BCAS3: variants seen among roughly 807,000 people sequenced by gnomAD.
BCAS3 encodes BCAS3 microtubule associated cell migration factor.
BCAS3 carries 53 observed loss-of-function variants against 116.1 expected under a neutral mutation model. The observed-to-expected ratio is 0.46, with a 90% CI of 0.37 to 0.57. The LOEUF is 0.57. BCAS3 is among the 20% of genes least tolerant of loss of function. The probability of loss-of-function intolerance (pLI) is 0.00; values close to 1 mark genes in which losing one functional copy is unlikely to be tolerated. For synonymous variants in BCAS3, 391 were observed against 408.2 expected (o/e 0.96, Z 0.51); for missense variants, 917 against 1,165.4 (o/e 0.79, Z 3.10).
intron 22 of BCAS3, among the ~76,000 whole-genome samples, chr17:61,280,448 A>T (rs1056858809): frequency 1.3e-5 from 2 of 152,186 alleles, no homozygotes; most frequent in African/African-American, 2.4e-5. Flanking sequence ...TTGGAGGGGA[A>T]TGTGAGGTAG....
chr17:61,334,619 G>A lies in BCAS3; in HGVS notation c.2426-33708G>A, dbSNP rs958253651. Among the ~76,000 whole-genome samples, 7 of 125,740 alleles carry A rather than the reference G, an allele frequency of 5.6e-5. No homozygotes were observed. In the East Asian group the frequency reaches 7.3e-4, roughly 13 times the overall value. The allele number at this position is 125,740 out of a possible 152,430, so 82.5% of individuals were successfully genotyped here. A position where few individuals can be genotyped will look rare whatever the true frequency, so the allele number is the denominator to read the frequency against. ...GTGGAGGTTGCGGTGAGCTGAGATC[G>A]CACCATTGCACTCCAGCCTATGCAA... is the stretch of plus-strand genomic sequence containing the variant. On this transcript the variant is annotated intron_variant, in intron 22 of 23. Coordinates refer to ENST00000407086, the MANE Select transcript of BCAS3 (RefSeq NM_017679.5).
chr17:61,046,002 A>T (rs1457362381), intron 19 of BCAS3, among the ~76,000 whole-genome samples: 1 of 9,744 alleles, frequency 1.0e-4, no homozygotes, highest in Non-Finnish European at 1.5e-4. Flanking sequence ...TATATATATA[A>T]TATATATATT....
intron 6 of BCAS3, among the ~76,000 whole-genome samples, chr17:60,802,537 T>C (rs1240439593): frequency 2.0e-5 from 3 of 152,140 alleles, no homozygotes; most frequent in Non-Finnish European, 4.4e-5. Flanking sequence ...GTGTTCTTCC[T>C]GTGTAGTATT....
At chr17:61,123,847 C>T (rs943960474) in intron 22 of BCAS3, among the ~76,000 whole-genome samples, 1 of 152,114 alleles carries the variant, frequency 6.6e-6, no homozygotes, top group Admixed American at 6.5e-5. Flanking sequence ...ATTTCATTCT[C>T]TGTGACACCC....
intron 7 of BCAS3, among the ~76,000 whole-genome samples, chr17:60,864,834 T>C (rs1408832381): frequency 6.6e-6 from 1 of 152,180 alleles, no homozygotes; most frequent in Non-Finnish European, 1.5e-5. Context: ...TTAGAGGCTA[T>C]TGTAGGATTA....
rs193142757 is a variant in BCAS3 at position 61,043,559 on chromosome 17, T to C, written c.2029+2667T>C. Reference sequence around the variant, plus strand: ...AGTTGTCACGTTCTCCCCATGTCTGTGTGGGTTTTCAGTGGGTACACAGGT... The same window carrying C: ...AGTTGTCACGTTCTCCCCATGTCTGCGTGGGTTTTCAGTGGGTACACAGGT... On this transcript the variant is annotated intron_variant, in intron 19 of 23. Transcript: ENST00000407086. 2.4e-3 allele frequency among the ~76,000 whole-genome samples: 362 copies of C among 152,068 alleles called. 2 individuals are homozygous for C. The highest frequency in any genetic ancestry group is 7.6e-3 in the African/African-American group (315 of 41,534).
intron 22 of BCAS3, among the ~76,000 whole-genome samples, chr17:61,338,888 GAAAAAAAAAAAAAAAA>G (rs57701817): frequency 1.2e-4 from 8 of 67,318 alleles, no homozygotes; most frequent in South Asian, 8.3e-4. Context: ...CCCTTACTGG[GAAAAAAAAAAAAAAAA>G]AAAAAAAAAA....
intron 22 of BCAS3, among the ~76,000 whole-genome samples, chr17:61,267,214 T>C (rs911539500): frequency 2.4e-4 from 35 of 147,334 alleles, no homozygotes; most frequent in Non-Finnish European, 4.4e-4. Flanking sequence ...TCTGCCACCA[T>C]GCCCAGCTAA....
chr17:61,138,587 A>G (rs186635404), intron 22 of BCAS3, among the ~76,000 whole-genome samples: 176 of 152,374 alleles, frequency 1.2e-3, no homozygotes, highest in Non-Finnish European at 2.3e-3. Flanking sequence ...TAATTACAAA[A>G]TAAATTATCC....
At chr17:60,764,216 G>C (rs570767403) in intron 6 of BCAS3, among the ~76,000 whole-genome samples, 24 of 150,650 alleles carry the variant, frequency 1.6e-4, no homozygotes, top group African/African-American at 4.9e-4. Context: ...TCTGATCTTA[G>C]TTATTTCTTG....
chr17:60,708,159 C>T (rs910586156), intron 4 of BCAS3, among the ~76,000 whole-genome samples: 1 of 151,838 alleles, frequency 6.6e-6, no homozygotes, highest in South Asian at 2.1e-4. Flanking sequence ...CCTGTCTCTA[C>T]AAACATTTAC....
Position 61,309,851 on chromosome 17 carries a change from C to T in BCAS3, c.2426-58476C>T, listed in dbSNP as rs2144773598. On this transcript the variant is annotated intron_variant, in intron 22 of 23. Transcript: ENST00000407086. This position sits in a 1 kb window ranked among gnomAD's most constrained non-coding sequence, Gnocchi z 4.6. ...CCTTGTGAGAAGAAGCCCATGAAGT[C>T]AAATGACAGCTTGTTTAAGGAAGCC... 6.6e-6 allele frequency among the ~76,000 whole-genome samples: 1 copy of T among 152,180 alleles called. No homozygotes were observed. The highest frequency in any genetic ancestry group is 1.5e-5 in the Non-Finnish European group (1 of 68,008).
rs538173199 is a variant in BCAS3 at position 61,368,668 on chromosome 17, G to A, written c.2593+174G>A. Among the ~76,000 whole-genome samples, 3 of 152,334 alleles carry A rather than the reference G, an allele frequency of 2.0e-5. No individual in the cohort carries two copies. In the South Asian group the frequency reaches 6.2e-4, roughly 32 times the overall value. ...CTGGTGTTGGGAAACCCTGTGTAAA[G>A]GGGAGCTCCCAGTGGAACTGCCCCT... On this transcript the variant is annotated intron_variant, in intron 23 of 23. Transcript: ENST00000407086. The surrounding 1 kb of genome is among the most constrained non-coding windows in gnomAD (Gnocchi z 6.0).
intron 22 of BCAS3, among the ~76,000 whole-genome samples, chr17:61,274,281 A>ATTTTTTTTTTTTTTTTTT (rs780529516): frequency 1.0e-5 from 1 of 96,240 alleles, no homozygotes; most frequent in Non-Finnish European, 2.0e-5. Flanking sequence ...AAATCTTTGA[A>ATTTTTTTTTTTTTTTTTT]TTTTTTTTTT....
chr17:61,058,755 T>C (rs2069658013), intron 19 of BCAS3, among the ~76,000 whole-genome samples: 1 of 152,182 alleles, frequency 6.6e-6, no homozygotes, highest in African/African-American at 2.4e-5. Flanking sequence ...TACATAACTG[T>C]TTATTATGAT....
At chr17:60,923,385 C>T (rs1381929759) in intron 12 of BCAS3, among the ~76,000 whole-genome samples, 1 of 152,114 alleles carries the variant, frequency 6.6e-6, no homozygotes, top group African/African-American at 2.4e-5. Context: ...TGCTTAAGTA[C>T]ATTGTTTTTT....
chr17:61,121,811 A>T (rs1032848513), intron 22 of BCAS3, among the ~76,000 whole-genome samples: 2 of 152,112 alleles, frequency 1.3e-5, no homozygotes, highest in African/African-American at 4.8e-5. Context: ...GCTCACTGCA[A>T]TTTCCGCCTC....
chr17:60,926,062 CTCCAGTT>C (rs1156267820), intron 13 of BCAS3, among the ~76,000 whole-genome samples: 1 of 152,102 alleles, frequency 6.6e-6, no homozygotes, highest in Admixed American at 6.5e-5. Context: ...GGTGTGGATT[CTCCAGTT>C]GTGGCATCAT....
At chr17:60,795,418 C>T (rs1362610637) in intron 6 of BCAS3, among the ~76,000 whole-genome samples, 3 of 151,986 alleles carry the variant, frequency 2.0e-5, no homozygotes, top group African/African-American at 7.2e-5. Flanking sequence ...TTTTTTCTCT[C>T]GTCTGATTGC....
Sources: gnomAD v4.1 joint callset for allele counts (sites outside exome capture counted in the v4.1 genomes callset) on GRCh38, gnomAD v4.1.1 for gene constraint, Gnocchi (gnomAD v3.1) non-coding constraint, MANE v1.5 for transcripts, NCBI Gene and HGNC (gene_info 2026-07-23, HGNC 2026-07-21) for gene names.